AJAP1: variants seen among roughly 807,000 people sequenced by gnomAD.
AJAP1 encodes the protein adherens junction-associated protein 1.
In AJAP1, 5 loss-of-function variants were observed where a neutral mutation model predicts 35.0. That is an observed-to-expected ratio of 0.14 (90% CI 0.07 to 0.30). AJAP1 has a LOEUF of 0.30. Ranked by LOEUF, AJAP1 falls within the 10% of genes least tolerant of loss-of-function variation. The probability of loss-of-function intolerance (pLI) is 1.00; values close to 1 mark genes in which losing one functional copy is unlikely to be tolerated. For synonymous variants in AJAP1, 284 were observed against 249.3 expected (o/e 1.14, Z -1.31); for missense variants, 586 against 571.0 (o/e 1.03, Z -0.27).
At chr1:4,719,359 A>G (rs531616852) in intron 2 of AJAP1, among the ~76,000 whole-genome samples, 2 of 152,326 alleles carry the variant, frequency 1.3e-5, no homozygotes, top group South Asian at 2.1e-4. Flanking sequence ...ATCCAGACAG[A>G]TAAAGACATA....
chr1:4,727,881 A>G (rs1640703931), intron 2 of AJAP1, among the ~76,000 whole-genome samples: 2 of 152,198 alleles, frequency 1.3e-5, no homozygotes, highest in African/African-American at 2.4e-5. Flanking sequence ...GATCCTGCCA[A>G]TGCCTGGAAG....
intron 2 of AJAP1, among the ~76,000 whole-genome samples, chr1:4,740,648 T>A (rs931027025): frequency 7.9e-5 from 12 of 151,050 alleles, no homozygotes; most frequent in Non-Finnish European, 1.3e-4. Flanking sequence ...TAGCCGGGTG[T>A]GGTGGCGGGC....
At chr1:4,710,309 A>G (rs1256026489) in intron 1 of AJAP1, among the ~76,000 whole-genome samples, 1 of 152,092 alleles carries the variant, frequency 6.6e-6, no homozygotes, top group Non-Finnish European at 1.5e-5. Context: ...AAATACACAC[A>G]GACACCCTGG....
At chr1:4,740,397 T>TGGGGGAGGGGGAGGGGGAGTGAGGG (rs1553159528) in intron 2 of AJAP1, among the ~76,000 whole-genome samples, 8 of 142,904 alleles carry the variant, frequency 5.6e-5, no homozygotes, top group African/African-American at 7.8e-5. Context: ...GGGGACAGAG[T>TGGGGGAGGGGGAGGGGGAGTGAGGG]TTCAGTTTTG....
At chr1:4,736,004 T>G (rs541781210) in intron 2 of AJAP1, among the ~76,000 whole-genome samples, 116 of 152,334 alleles carry the variant, frequency 7.6e-4, no homozygotes, top group African/African-American at 2.5e-3. Flanking sequence ...AGCTCCCTAC[T>G]TGCTACAGTG....
At chr1:4,676,858 C>G (rs1387697801) in intron 1 of AJAP1, among the ~76,000 whole-genome samples, 1 of 152,134 alleles carries the variant, frequency 6.6e-6, no homozygotes, top group Non-Finnish European at 1.5e-5. Context: ...TACAGAGTTT[C>G]AAAGAGAAAA....
chr1:4,671,397 A>G (rs1289191165), intron 1 of AJAP1, among the ~76,000 whole-genome samples: 1 of 138,864 alleles, frequency 7.2e-6, no homozygotes, highest in Non-Finnish European at 1.6e-5. Context: ...ATGGCAGCTG[A>G]TTGTCAGGAG....
chr1:4,689,685 T>C (rs985236139), intron 1 of AJAP1, among the ~76,000 whole-genome samples: 8 of 152,222 alleles, frequency 5.3e-5, no homozygotes, highest in Non-Finnish European at 2.9e-5. Flanking sequence ...GGGTTGACTG[T>C]TGCTCCCAGG....
chr1:4,747,849 G>A (rs938895900), intron 2 of AJAP1, among the ~76,000 whole-genome samples: 7 of 151,934 alleles, frequency 4.6e-5, no homozygotes, highest in African/African-American at 1.5e-4. Flanking sequence ...TGTGCCGGGC[G>A]TGGTGGCACA....
At chr1:4,713,779 G>T (rs1640324014) in intron 2 of AJAP1, among the ~76,000 whole-genome samples, 1 of 152,258 alleles carries the variant, frequency 6.6e-6, no homozygotes, top group African/African-American at 2.4e-5. Context: ...AGATTTTAGG[G>T]CGTCAGTACA....
At position 4,712,552 on chromosome 1, in the gene AJAP1, C is replaced by T. The variant is rs1395074998; in HGVS notation, c.682C>T (p.Pro228Ser). The T allele has an allele frequency of 5.0e-6, 8 of 1,612,576 alleles. No homozygotes were observed. The highest frequency in any genetic ancestry group is 2.2e-5 in the East Asian group (1 of 44,842). The change falls in exon 2 of 6, where the codon CCC (proline) becomes TCC (serine). Residue 228 changes from proline to serine, a missense_variant. Pro to Ser is a moderately conservative substitution (Grantham distance 74). Coordinates refer to ENST00000378191, the MANE Select transcript of AJAP1 (RefSeq NM_018836.4). ...CACCACCACCACCACCACGGCCACC[C>T]CCATGACGCTGCAGACTAAGGGGTT... ...ATTTTTTTATPMTLQTKGFTE... is the reference protein window; with the variant it reads ...ATTTTTTTATSMTLQTKGFTE...
At chr1:4,657,651 G>A (rs1638910385) in intron 1 of AJAP1, among the ~76,000 whole-genome samples, 1 of 151,602 alleles carries the variant, frequency 6.6e-6, no homozygotes, top group African/African-American at 2.4e-5. Context: ...GCCTCCAGCT[G>A]GGGTGGCAGA....
At chr1:4,771,727 T>G (rs182293310) in intron 3 of AJAP1, among the ~76,000 whole-genome samples, 60 of 152,270 alleles carry the variant, frequency 3.9e-4, no homozygotes, top group African/African-American at 1.3e-3. Flanking sequence ...TGATCAGGGA[T>G]GAAGGACAAG....
rs1338668877 is a variant in AJAP1, at chr1:4,720,951, G to A, written c.829+8252G>A. 6.6e-6 allele frequency among the ~76,000 whole-genome samples: 1 copy of A among 152,206 alleles called. No individual in the cohort carries two copies. Among genetic ancestry groups the A allele is most frequent in the African/African-American group, 2.4e-5 (1 of 41,464 alleles). On this transcript the variant is annotated intron_variant, in intron 2 of 5. Coordinates refer to ENST00000378191, the MANE Select transcript of AJAP1 (RefSeq NM_018836.4). The surrounding 1 kb of genome is among the most constrained non-coding windows in gnomAD (Gnocchi z 4.4). ...TGTGCCAGGTCAACACACCTGAGGC[G>A]TGGTTTGTGTGAGCCCCATGGAGAG...
chr1:4,762,826 A>G (rs939011647), intron 2 of AJAP1, among the ~76,000 whole-genome samples: 1 of 152,120 alleles, frequency 6.6e-6, no homozygotes, highest in African/African-American at 2.4e-5. Context: ...TGCCCACTTC[A>G]TGGTGCTGTA....
intron 2 of AJAP1, among the ~76,000 whole-genome samples, chr1:4,741,352 G>T (rs1641065452): frequency 6.6e-6 from 1 of 152,146 alleles, no homozygotes; most frequent in Admixed American, 6.5e-5. Context: ...GGTTCCAGGG[G>T]AGGACCCTTC....
In AJAP1 at chr1:4,712,485, G is replaced by A. The variant is rs771408729; in HGVS notation, c.615G>A (p.Thr205=). Residue 205 remains threonine, a synonymous_variant, in exon 2 of 6, where the codon ACG becomes ACA. Coordinates refer to ENST00000378191, the MANE Select transcript of AJAP1 (RefSeq NM_018836.4). The part of the protein sequence containing the change: ...NTFPGVYGPT[T]VSILQTRKTT... ...TTCCGGGCGTTTACGGCCCCACCAC[G>A]GTCTCCATCCTACAAACACGGAAGA... is the stretch of plus-strand genomic sequence containing the variant. 2.5e-6 allele frequency: 4 copies of A among 1,612,118 alleles called. No homozygotes were observed. Among genetic ancestry groups the A allele is most frequent in the African/African-American group, 2.7e-5 (2 of 74,850 alleles).
At chr1:4,733,981 G>A (rs1366244085) in intron 2 of AJAP1, among the ~76,000 whole-genome samples, 2 of 152,242 alleles carry the variant, frequency 1.3e-5, no homozygotes, top group Admixed American at 6.5e-5. Flanking sequence ...CGGTTCACGC[G>A]AGGTGTGTGC....
chr1:4,718,968 G>A (rs916393476), intron 2 of AJAP1, among the ~76,000 whole-genome samples: 2 of 152,146 alleles, frequency 1.3e-5, no homozygotes, highest in Non-Finnish European at 2.9e-5. Flanking sequence ...ACTGACTAGT[G>A]GGGTAGCCGG....
Sources: allele counts gnomAD v4.1 joint callset (sites outside exome capture counted in the v4.1 genomes callset), GRCh38; gene constraint gnomAD v4.1.1; non-coding constraint Gnocchi (gnomAD v3.1); transcripts MANE v1.5; gene names NCBI Gene and HGNC (gene_info 2026-07-23, HGNC 2026-07-21).